The following RPS6KC1 variants were observed in gnomAD, a reference collection of about 807,000 sequenced individuals.
RPS6KC1 encodes inactive ribosomal protein S6 kinase delta-1.
RPS6KC1 carries 54 observed loss-of-function variants against 103.8 expected under a neutral mutation model. The observed-to-expected ratio is 0.52, with a 90% CI of 0.42 to 0.65. RPS6KC1 has a LOEUF of 0.65. Ranked by LOEUF, RPS6KC1 falls within the 30% of genes least tolerant of loss-of-function variation. The pLI is 0.00. For synonymous variants in RPS6KC1, 439 were observed against 438.7 expected (o/e 1.00, Z -0.01); for missense variants, 1,151 against 1,253.8 (o/e 0.92, Z 1.24).
At chr1:213,269,660 A>G (rs972540715) in intron 14 of RPS6KC1, among the ~76,000 whole-genome samples, 12 of 152,200 alleles carry the variant, frequency 7.9e-5, no homozygotes, top group African/African-American at 2.7e-4. Flanking sequence ...ATCCACAAAT[A>G]TTTGAAAATT....
At chr1:213,851,814 C>T in the RPS6KC1 span, among the ~76,000 whole-genome samples, 2 of 152,130 alleles carry the variant, frequency 1.3e-5, no homozygotes, top group African/African-American at 4.8e-5. Flanking sequence ...CTCAAACCAG[C>T]GTGGGAGCCA....
chr1:213,408,077 C>T, the RPS6KC1 span, among the ~76,000 whole-genome samples: 1 of 152,202 alleles, frequency 6.6e-6, no homozygotes, highest in Non-Finnish European at 1.5e-5. Flanking sequence ...CACAGGGAGA[C>T]ACCAGGACAT....
the RPS6KC1 span, among the ~76,000 whole-genome samples, chr1:213,396,693 TG>T: frequency 6.6e-6 from 1 of 152,132 alleles, no homozygotes; most frequent in Non-Finnish European, 1.5e-5. Context: ...TGTGCAGCAG[TG>T]TTAGGGAAGG....
chr1:213,862,325 A>G, the RPS6KC1 span, among the ~76,000 whole-genome samples: 1,986 of 152,272 alleles, frequency 0.013, 57 homozygotes, highest in African/African-American at 0.046. Context: ...ATATTTACCA[A>G]GGAGACCTTC....
chr1:213,754,168 T>A, the RPS6KC1 span, among the ~76,000 whole-genome samples: 8 of 152,332 alleles, frequency 5.3e-5, no homozygotes, highest in East Asian at 1.5e-3. Context: ...TTGCTCATAG[T>A]CCAGAAGGCT....
the RPS6KC1 span, among the ~76,000 whole-genome samples, chr1:213,437,308 TTGCATTGAC>T: frequency 6.6e-6 from 1 of 152,112 alleles, no homozygotes; most frequent in Non-Finnish European, 1.5e-5. Flanking sequence ...ATGAGATAAA[TTGCATTGAC>T]TGATGTTCAA....
chr1:213,697,997 G>A, the RPS6KC1 span, among the ~76,000 whole-genome samples: 3 of 151,802 alleles, frequency 2.0e-5, no homozygotes, highest in South Asian at 6.3e-4. Flanking sequence ...ATTAGTTGGG[G>A]CATTTCTACA....
At chr1:213,371,194 G>A in the RPS6KC1 span, among the ~76,000 whole-genome samples, 19 of 152,180 alleles carry the variant, frequency 1.2e-4, no homozygotes, top group African/African-American at 4.1e-4. Flanking sequence ...CCGTAGAGTA[G>A]GAGCCAGAGT....
the RPS6KC1 span, among the ~76,000 whole-genome samples, chr1:213,389,144 A>G: frequency 6.6e-6 from 1 of 150,850 alleles, no homozygotes; most frequent in African/African-American, 2.4e-5. Context: ...TTTCTTCCAC[A>G]GTCAGTGTTG....
At chr1:213,650,928 T>TAAA in the RPS6KC1 span, among the ~76,000 whole-genome samples, 121 of 100,286 alleles carry the variant, frequency 1.2e-3, no homozygotes, top group African/African-American at 4.4e-3. Flanking sequence ...ACTTGCATGT[T>TAAA]AAAAAAAAAA....
chr1:213,370,124 CT>C, the RPS6KC1 span, among the ~76,000 whole-genome samples: 1 of 152,172 alleles, frequency 6.6e-6, no homozygotes, highest in African/African-American at 2.4e-5. Context: ...CAAAAAGATG[CT>C]GTGCAAAAGA....
the RPS6KC1 span, among the ~76,000 whole-genome samples, chr1:213,856,148 T>C: frequency 6.6e-6 from 1 of 152,124 alleles, no homozygotes. Context: ...GTCAGTCTTT[T>C]TCACTATAAC....
chr1:213,137,793 A>ATG (rs1400023591), intron 6 of RPS6KC1, among the ~76,000 whole-genome samples: 1 of 42,996 alleles, frequency 2.3e-5, no homozygotes, highest in Admixed American at 2.9e-4. Context: ...ATATATATAT[A>ATG]TATATATTTT....
At chr1:213,418,213 A>G in the RPS6KC1 span, among the ~76,000 whole-genome samples, 1 of 152,172 alleles carries the variant, frequency 6.6e-6, no homozygotes, top group Non-Finnish European at 1.5e-5. Context: ...ACCTACTCAC[A>G]GGGTTTTTGT....
chr1:213,811,758 A>G, the RPS6KC1 span, among the ~76,000 whole-genome samples: 1 of 152,226 alleles, frequency 6.6e-6, no homozygotes, highest in African/African-American at 2.4e-5. Flanking sequence ...CAAGACCAGA[A>G]AGATGGGGTT....
chr1:213,629,335 T>C, the RPS6KC1 span, among the ~76,000 whole-genome samples: 3 of 152,016 alleles, frequency 2.0e-5, no homozygotes, highest in African/African-American at 4.8e-5. Flanking sequence ...TACCATTATG[T>C]AATGGCCTTC....
downstream of RPS6KC1, among the ~76,000 whole-genome samples, chr1:213,278,489 A>G (rs2095116572): frequency 6.6e-6 from 1 of 152,244 alleles, no homozygotes; most frequent in Admixed American, 6.5e-5. Context: ...TTATAGGAAG[A>G]AAATGTGTTA....
chr1:213,546,772 C>G, the RPS6KC1 span, among the ~76,000 whole-genome samples: 1 of 152,188 alleles, frequency 6.6e-6, no homozygotes, highest in Non-Finnish European at 1.5e-5. Context: ...CACCATTTCC[C>G]CTGTTTTTAA....
chr1:213,727,925 G>GA, the RPS6KC1 span, among the ~76,000 whole-genome samples: 4 of 152,138 alleles, frequency 2.6e-5, no homozygotes, highest in African/African-American at 9.7e-5. Context: ...AACTGCAGGC[G>GA]ATAAAATGCG....
Sources: gnomAD v4.1 joint callset for allele counts (sites outside exome capture counted in the v4.1 genomes callset) on GRCh38, gnomAD v4.1.1 for gene constraint, MANE v1.5 for transcripts, NCBI Gene and HGNC (gene_info 2026-07-23, HGNC 2026-07-21) for gene names.